ANO4: variants seen among roughly 807,000 people sequenced by gnomAD.
ANO4 encodes anoctamin-4.
A neutral mutation model predicts 141.9 loss-of-function variants in ANO4; 69 were observed. That is an observed-to-expected ratio of 0.49 (90% CI 0.40 to 0.59). The LOEUF is 0.59. Ranked by LOEUF, ANO4 falls within the 20% of genes least tolerant of loss-of-function variation. ANO4 has a pLI of 0.00. For synonymous variants in ANO4, 350 were observed against 394.3 expected, an observed-to-expected ratio of 0.89 and a Z score of 1.33; for missense variants, 894 against 1,162.2, an observed-to-expected ratio of 0.77 and a Z score of 3.36.
intron 3 of ANO4, among the ~76,000 whole-genome samples, chr12:100,767,856 A>G (rs1565864404): frequency 6.6e-6 from 1 of 152,198 alleles, no homozygotes; most frequent in South Asian, 2.1e-4. Context: ...AAAACTTTAC[A>G]CTTTCCCCAC....
chr12:100,916,967 A>G (rs565200555), intron 2 of ANO4, among the ~76,000 whole-genome samples: 6 of 149,798 alleles, frequency 4.0e-5, no homozygotes, highest in Non-Finnish European at 8.8e-5. Context: ...TGGGTGACAG[A>G]GTGTGACTGT....
intron 5 of ANO4, among the ~76,000 whole-genome samples, chr12:100,960,181 A>G (rs2043353244): frequency 6.6e-6 from 1 of 152,180 alleles, no homozygotes; most frequent in African/African-American, 2.4e-5. Flanking sequence ...AACCGATGCC[A>G]GGGACACACT....
chr12:100,860,664 A>AT (rs1172723639), intron 1 of ANO4, among the ~76,000 whole-genome samples: 1 of 152,134 alleles, frequency 6.6e-6, no homozygotes, highest in Non-Finnish European at 1.5e-5. Flanking sequence ...TCATTCTCAA[A>AT]TATCTCTTAA....
chr12:100,738,568 C>G (rs151082073), intron 2 of ANO4, among the ~76,000 whole-genome samples: 128 of 152,066 alleles, frequency 8.4e-4, no homozygotes, highest in African/African-American at 3.0e-3. Context: ...ATAAGAAATG[C>G]TAAAACCTGA....
At chr12:101,097,749 C>T (rs745653762) in intron 20 of ANO4, 41 bp downstream of exon 20, 21 of 1,610,162 alleles carry the variant, frequency 1.3e-5, no homozygotes, top group Non-Finnish European at 9.3e-6. Context: ...GACAGACTTG[C>T]ATTAAACAGC....
At chr12:100,782,886 A>G (rs1490649675) in intron 3 of ANO4, among the ~76,000 whole-genome samples, 1 of 152,132 alleles carries the variant, frequency 6.6e-6, no homozygotes, top group Non-Finnish European at 1.5e-5. Context: ...AAGCTCACAT[A>G]TTTCCCAACT....
chr12:100,987,441 G>A, intron 7 of ANO4, 98 bp from the exon 8 acceptor site: 1 of 1,445,704 alleles, frequency 6.9e-7, no homozygotes, highest in Non-Finnish European at 9.4e-7. Context: ...CCTGGAATGT[G>A]TGGTATGATA....
intron 3 of ANO4, among the ~76,000 whole-genome samples, chr12:100,772,152 A>G (rs2033327281): frequency 6.6e-6 from 1 of 152,188 alleles, no homozygotes; most frequent in Admixed American, 6.5e-5. Context: ...ACTCAAGGCC[A>G]CTATTATTAC....
rs749936289 is a variant in ANO4, at chr12:100,733,782, G to A, written c.31G>A (p.Val11Met). 3.4e-5 allele frequency: 24 copies of A among 701,532 alleles called. No homozygotes were observed. In the East Asian group the frequency reaches 5.9e-4, roughly 17 times the overall value. 43.5% of individuals were successfully genotyped at this position (701,532 alleles called of 1,614,324 possible). ...TTTTATTTTCTTAACAGACAAAGAT[G>A]TGAGCAGCGGAAGTTATAACCTTTC... The change falls in exon 2 of 30, where the codon GTG (valine) becomes ATG (methionine). Residue 11 changes from valine (V) to methionine (M), a missense_variant. Physicochemically the swap from Val to Met is conservative, Grantham distance 21. Coordinates refer to the ANO4 transcript ENST00000644049.
chr12:101,039,245 C>T (rs1197130493), intron 10 of ANO4, among the ~76,000 whole-genome samples: 2 of 152,192 alleles, frequency 1.3e-5, no homozygotes, highest in African/African-American at 4.8e-5. Context: ...TGGCTCACAC[C>T]TGTAATCCCA....
chr12:100,884,119 A>G (rs1011236219), intron 1 of ANO4, among the ~76,000 whole-genome samples: 1 of 152,202 alleles, frequency 6.6e-6, no homozygotes, highest in Non-Finnish European at 1.5e-5. Flanking sequence ...AAGTTCATGC[A>G]ATTTAATGTC....
intron 2 of ANO4, among the ~76,000 whole-genome samples, chr12:100,920,909 G>T (rs1176833167): frequency 1.3e-5 from 2 of 152,074 alleles, no homozygotes; most frequent in Admixed American, 6.6e-5. Context: ...AGGTTTTTGT[G>T]CATTATCTCA....
chr12:100,788,306 G>C (rs1301732503), intron 3 of ANO4, among the ~76,000 whole-genome samples: 1 of 152,158 alleles, frequency 6.6e-6, no homozygotes, highest in Non-Finnish European at 1.5e-5. Context: ...AGAAAAATGT[G>C]AAATGGGATC....
chr12:101,086,946 C>T, intron 17 of ANO4, 122 bp downstream of exon 17: 2 of 1,154,816 alleles, frequency 1.7e-6, no homozygotes, highest in Non-Finnish European at 1.2e-6. Flanking sequence ...GCACTGATGT[C>T]CTGGCAGCGA....
chr12:101,075,556 A>G (rs1036659243), intron 14 of ANO4, among the ~76,000 whole-genome samples: 1 of 151,632 alleles, frequency 6.6e-6, no homozygotes, highest in Non-Finnish European at 1.5e-5. Flanking sequence ...ACTCTTAGGA[A>G]TTTCGTCTTT....
intron 5 of ANO4, among the ~76,000 whole-genome samples, chr12:100,962,734 T>C (rs979919223): frequency 2.6e-5 from 4 of 152,226 alleles, no homozygotes; most frequent in African/African-American, 9.6e-5. Flanking sequence ...ACACAGTGGC[T>C]TATTTCTTCA....
Position 100,748,428 on chromosome 12 carries a change from C to T in ANO4, c.358+8323C>T, listed in dbSNP as rs142919886. ...TCCTTGTCCTGTCCCTGCTTGCACA[C>T]CATGTGCCCAGCCAGCCTGAGCCTT... On this transcript the variant is annotated intron_variant, in intron 3 of 29. Transcript: ENST00000644049. Among the ~76,000 whole-genome samples, 34 of 152,324 alleles carry T rather than the reference C, an allele frequency of 2.2e-4. 1 individual carries two copies. In the East Asian group the frequency reaches 6.4e-3, roughly 29 times the overall value.
intron 3 of ANO4, among the ~76,000 whole-genome samples, chr12:100,745,493 G>A (rs2032062190): frequency 6.6e-6 from 1 of 152,324 alleles, no homozygotes; most frequent in South Asian, 2.1e-4. Flanking sequence ...TTCGCTCAGT[G>A]CAGAGCTTGG....
chr12:100,989,395 G>C (rs575913631), intron 8 of ANO4, among the ~76,000 whole-genome samples: 1 of 152,220 alleles, frequency 6.6e-6, no homozygotes, highest in Non-Finnish European at 1.5e-5. Flanking sequence ...ACAATGAGTT[G>C]TTTCCCTAAT....
Sources: allele counts gnomAD v4.1 joint callset (sites outside exome capture counted in the v4.1 genomes callset), GRCh38; gene constraint gnomAD v4.1.1; transcripts MANE v1.5; gene names NCBI Gene and HGNC (gene_info 2026-07-23, HGNC 2026-07-21).